Variants in HABP2 observed in about 807,000 individuals in gnomAD.
The protein encoded by HABP2 is hyaluronan binding protein 2.
A neutral mutation model predicts 66.5 loss-of-function variants in HABP2; 65 were observed. The ratio of observed to expected loss-of-function variants is 0.98; its 90% CI spans 0.80 to 1.20. The LOEUF (loss-of-function observed/expected upper bound fraction) is 1.20, where lower values mean the gene tolerates loss of function less well. Among genes scored for constraint, HABP2 ranks in the 50% most tolerant of loss-of-function variants. HABP2 has a pLI of 0.00. For missense variants in HABP2, 786 were observed against 691.0 expected, an observed-to-expected ratio of 1.14 and a Z score of -1.54; for synonymous variants, 263 against 253.9, an observed-to-expected ratio of 1.04 and a Z score of -0.34.
chr10:113,570,764 A>G (rs1249208188), intron 2 of HABP2, among the ~76,000 whole-genome samples: 2 of 152,238 alleles, frequency 1.3e-5, no homozygotes, highest in African/African-American at 4.8e-5. Flanking sequence ...ATGCAGGCCA[A>G]TCAGAAAGCA....
At chr10:113,557,558 G>A (rs1450454640) in intron 1 of HABP2, among the ~76,000 whole-genome samples, 3 of 152,158 alleles carry the variant, frequency 2.0e-5, no homozygotes, top group Non-Finnish European at 2.9e-5. Flanking sequence ...AAGGTTTCCT[G>A]GCTTAGGACT....
chr10:113,584,303 C>T, intron 11 of HABP2, 21 bp downstream of exon 11: 1 of 1,610,706 alleles, frequency 6.2e-7, no homozygotes, highest in Non-Finnish European at 8.5e-7. Flanking sequence ...CATGCACTCT[C>T]CCATGACTTA....
At chr10:113,575,446 C>A (rs569724653) in intron 3 of HABP2, among the ~76,000 whole-genome samples, 1 of 152,164 alleles carries the variant, frequency 6.6e-6, no homozygotes, top group East Asian at 1.9e-4. Flanking sequence ...AGAAAGCTTG[C>A]GTTTCATTAG....
In HABP2 at chr10:113,582,057, C is replaced by T. The variant is rs1470849829; in HGVS notation, c.1020C>T (p.Ser340=). ...SLQSSLPLTI[S]MPQGHFCGGA... ...AGTCCTCGCTGCCTCTGACCATCTC[C>T]ATGCCCCAGGGCCACTTCTGTGGTG... The change falls in exon 9 of 13, where the codon TCC becomes TCT. Residue 340 remains serine (S), a synonymous_variant. Coordinates refer to ENST00000351270, the MANE Select transcript of HABP2 (RefSeq NM_004132.5). 10 of 1,613,512 alleles carry T rather than the reference C, an allele frequency of 6.2e-6. No homozygotes were observed. The highest frequency in any genetic ancestry group is 8.5e-6 in the Non-Finnish European group (10 of 1,179,956).
rs1592706990 is a variant in HABP2 at position 113,588,858 on chromosome 10, G to A, written c.*489G>A. On this transcript the variant is annotated 3_prime_UTR_variant, in exon 13 of 13. Transcript: ENST00000351270. ...TTTCAGAGTTATTATTTTAATAAAG[G>A]AAGATCTGGGATGGGCTGGTGGGCC... 1 of 728,456 alleles carries A rather than the reference G, an allele frequency of 1.4e-6. No homozygotes were observed. 45.1% of individuals were successfully genotyped at this position (728,456 alleles called of 1,614,324 possible).
At chr10:113,574,638 G>A (rs1845375885) in intron 3 of HABP2, among the ~76,000 whole-genome samples, 1 of 152,212 alleles carries the variant, frequency 6.6e-6, no homozygotes, top group African/African-American at 2.4e-5. Context: ...GGTAAGTGAG[G>A]CTAAGAGAGG....
chr10:113,561,491 C>G (rs1030242321), intron 1 of HABP2, among the ~76,000 whole-genome samples: 1 of 152,160 alleles, frequency 6.6e-6, no homozygotes, highest in African/African-American at 2.4e-5. Context: ...ACAGAGGTCT[C>G]TCCTCCCCAG....
chr10:113,586,458 G>T (rs1845634774), intron 12 of HABP2, among the ~76,000 whole-genome samples: 1 of 113,600 alleles, frequency 8.8e-6, no homozygotes, highest in South Asian at 3.2e-4. Flanking sequence ...GGACTCATGT[G>T]TGCGTGTGTG....
chr10:113,587,636 CCAT>C (rs1473176220), intron 12 of HABP2, among the ~76,000 whole-genome samples: 1 of 152,162 alleles, frequency 6.6e-6, no homozygotes, highest in Non-Finnish European at 1.5e-5. Flanking sequence ...CTTCTCCTCA[CCAT>C]CATCATCCTC....
At chr10:113,561,497 C>T (rs1845099495) in intron 1 of HABP2, among the ~76,000 whole-genome samples, 1 of 152,118 alleles carries the variant, frequency 6.6e-6, no homozygotes, top group African/African-American at 2.4e-5. Flanking sequence ...GTCTCTCCTC[C>T]CCAGCTGCCC....
intron 2 of HABP2, among the ~76,000 whole-genome samples, chr10:113,571,132 G>A (rs973785258): frequency 1.6e-4 from 24 of 152,306 alleles, no homozygotes; most frequent in South Asian, 8.3e-4. Flanking sequence ...CACTGACCAT[G>A]TATTTAGGTC....
At chr10:113,569,261 G>A (rs1845258069) in intron 2 of HABP2, among the ~76,000 whole-genome samples, 1 of 152,174 alleles carries the variant, frequency 6.6e-6, no homozygotes. Context: ...TAAATGAAGG[G>A]ACCCTGAAGC....
chr10:113,582,102 C>G lies in HABP2; in HGVS notation c.1065C>G (p.Cys355Trp). The G allele has an allele frequency of 6.2e-6, 10 of 1,609,646 alleles. No homozygotes were observed. Among genetic ancestry groups the G allele is most frequent in the Non-Finnish European group, 7.6e-6 (9 of 1,179,840 alleles). Residue 355 changes from cysteine (C) to tryptophan (W), a missense_variant, in exon 9 of 13, where the codon TGC (cysteine) becomes TGG (tryptophan). Cys to Trp is a radical substitution (Grantham distance 215). Transcript: ENST00000351270. ...HFCGGALIHP[C>W]WVLTAAHCTD... ...GTGGTGGGGCGCTGATCCACCCCTG[C>G]TGGGTGCTCACTGCTGCCCACTGCA...
chr10:113,570,345 G>A (rs1845282619), intron 2 of HABP2, among the ~76,000 whole-genome samples: 1 of 152,206 alleles, frequency 6.6e-6, no homozygotes, highest in Admixed American at 6.5e-5. Flanking sequence ...AGGATAATTT[G>A]GCTTAACTCA....
chr10:113,553,644 C>T (rs1023403469), intron 1 of HABP2, among the ~76,000 whole-genome samples: 2 of 152,230 alleles, frequency 1.3e-5, no homozygotes, highest in African/African-American at 4.8e-5. Flanking sequence ...GGGAAGCCTG[C>T]TGACTGCAAA....
intron 8 of HABP2, among the ~76,000 whole-genome samples, chr10:113,581,008 A>G (rs1845518646): frequency 6.6e-6 from 1 of 152,120 alleles, no homozygotes; most frequent in Non-Finnish European, 1.5e-5. Flanking sequence ...TGGGTGTGCA[A>G]TGGTGATCAA....
At chr10:113,570,731 AT>A (rs760523657) in intron 2 of HABP2, among the ~76,000 whole-genome samples, 1 of 152,178 alleles carries the variant, frequency 6.6e-6, no homozygotes, top group Admixed American at 6.5e-5. Flanking sequence ...AGCAGACACC[AT>A]TTTTTTAGCC....
At position 113,578,789 on chromosome 10, in the gene HABP2, AT is replaced by A. The variant is rs771594824; in HGVS notation, c.734del (p.Phe245SerfsTer22). The A allele has an allele frequency of 6.2e-7, 1 of 1,605,756 alleles. No individual in the cohort carries two copies. Among genetic ancestry groups the A allele is most frequent in the South Asian group, 1.1e-5 (1 of 90,752 alleles). On this transcript the variant is annotated frameshift_variant, in exon 7 of 13. Coordinates refer to ENST00000351270, the MANE Select transcript of HABP2 (RefSeq NM_004132.5). LOFTEE classifies it high-confidence loss of function. ...GAAACCCATGGGATTGGGGAACACA[AT>A]TTCTGCAGGTAACATTTACCTTATT... ...DAETHGIGEH[N>X]FCRNPDADEK...
Position 113,578,129 on chromosome 10 carries a change from G to A in HABP2, c.552G>A (p.Gly184=), listed in dbSNP as rs1845447586. 14 of 1,614,140 alleles carry A rather than the reference G, an allele frequency of 8.7e-6. No individual in the cohort carries two copies. Among genetic ancestry groups the A allele is most frequent in the Non-Finnish European group, 1.2e-5 (14 of 1,179,992 alleles). Residue 184 remains glycine (G), a synonymous_variant, in exon 6 of 13, where the codon GGG becomes GGA. Transcript: ENST00000351270. ...GTGCCTGTCCCGACCAGTTCAAGGG[G>A]AAATTCTGTGAAATAGGTATGGGTC... ...FTCACPDQFK[G]KFCEIGSDDC... is the part of the protein sequence containing the mutation.
Sources: gnomAD v4.1 joint callset for allele counts (sites outside exome capture counted in the v4.1 genomes callset) on GRCh38, gnomAD v4.1.1 for gene constraint, MANE v1.5 for transcripts, NCBI Gene and HGNC (gene_info 2026-07-23, HGNC 2026-07-21) for gene names.